COL14A1: variants seen among roughly 807,000 people sequenced by gnomAD.
COL14A1 encodes collagen alpha-1(XIV) chain.
Under a neutral mutation model 230.3 loss-of-function variants are expected in COL14A1, and 136 were observed. That is an observed-to-expected ratio of 0.59 (90% CI 0.51 to 0.68). The LOEUF (loss-of-function observed/expected upper bound fraction) is 0.68, where lower values mean the gene tolerates loss of function less well. COL14A1 is among the 30% of genes least tolerant of loss of function. COL14A1 has a pLI of 0.00. For missense variants in COL14A1, 1,976 were observed against 2,215.8 expected (o/e 0.89, Z 2.17); for synonymous variants, 792 against 784.1 (o/e 1.01, Z -0.17).
Position 120,228,718 on chromosome 8 carries a change from T to G in COL14A1, c.2146T>G (p.Phe716Val), listed in dbSNP as rs371381344. Residue 716 changes from phenylalanine (F) to valine (V), a missense_variant, in exon 18 of 48, where the codon TTT (phenylalanine) becomes GTT (valine). Around this residue, in one of 3 missense-constraint regions of COL14A1, gnomAD observed 1,791 missense variants for 2,019.5 expected, o/e 0.89. Coordinates refer to ENST00000297848, the MANE Select transcript of COL14A1 (RefSeq NM_021110.4). ...TAATATATTGCTTTTAGTTGACAGT[T>G]TTTGGACAGAACCAGCTACAACCAT... ...VTAVGTTLDS[F>V]WTEPATTIVP... is the part of the protein sequence containing the mutation. 6.2e-7 allele frequency: 1 copy of G among 1,613,788 alleles called. No individual in the cohort carries two copies.
At position 120,252,498 on chromosome 8, in the gene COL14A1, C is replaced by T. The variant is rs530570329; in HGVS notation, c.2752+1732C>T. On this transcript the variant is annotated intron_variant, in intron 22 of 47. Transcript: ENST00000297848. ...ATAGTCCTGAGTGCAATCAACAGCA[C>T]ATGCCCCACTCTTGAGATCATAGTC... is the stretch of plus-strand genomic sequence containing the variant. Among the ~76,000 whole-genome samples, 11 of 152,328 alleles carry T rather than the reference C, an allele frequency of 7.2e-5. No homozygotes were observed. In the South Asian group the frequency reaches 2.3e-3, roughly 32 times the overall value.
At chr8:120,231,938 T>A (rs961051173) in intron 19 of COL14A1, 1 of 223,284 alleles carries the variant, frequency 4.5e-6, no homozygotes, top group African/African-American at 2.3e-5. Context: ...TGTGTCTGTA[T>A]ATATGTATGT....
At chr8:120,340,037 CAAAA>C (rs530829054) in intron 42 of COL14A1, among the ~76,000 whole-genome samples, 127 of 77,704 alleles carry the variant, frequency 1.6e-3, no homozygotes, top group Non-Finnish European at 2.2e-3. Flanking sequence ...GACTGCGTCT[CAAAA>C]AAAAAAAAAA....
At chr8:120,317,317 A>G (rs749645212) in intron 40 of COL14A1, among the ~76,000 whole-genome samples, 61 of 152,324 alleles carry the variant, frequency 4.0e-4, no homozygotes, top group Middle Eastern at 6.8e-3. Flanking sequence ...TTTCTATAGA[A>G]TGTAGATGCG....
chr8:120,163,816 T>C (rs1030605251), intron 4 of COL14A1, among the ~76,000 whole-genome samples: 1 of 152,110 alleles, frequency 6.6e-6, no homozygotes, highest in African/African-American at 2.4e-5. Flanking sequence ...CTGATTCTTC[T>C]GTCTCTCAGG....
Position 120,342,444 on chromosome 8 carries a change from A to G in COL14A1, c.4886A>G (p.Gln1629Arg). The G allele has an allele frequency of 6.2e-7, 1 of 1,613,784 alleles. No individual in the cohort carries two copies. The highest frequency in any genetic ancestry group is 1.1e-5 in the South Asian group (1 of 91,066). Residue 1629 changes from glutamine (Q) to arginine (R), a missense_variant and splice_region_variant, in exon 44 of 48, where the codon CAG becomes CGG. Coordinates refer to ENST00000297848, the MANE Select transcript of COL14A1 (RefSeq NM_021110.4). ...VARQVCEQLIQSHMARYTAIL... is the reference protein window; with the variant it reads ...VARQVCEQLIRSHMARYTAIL... Reference sequence around the variant, plus strand: ...CGTCAAGTATGCGAACAGCTCATCCAGAGTAAGTATGTAATGGTTACGGAG... The same window carrying G: ...CGTCAAGTATGCGAACAGCTCATCCGGAGTAAGTATGTAATGGTTACGGAG...
intron 2 of COL14A1, among the ~76,000 whole-genome samples, chr8:120,149,077 A>G (rs143346099): frequency 6.6e-6 from 1 of 152,380 alleles, no homozygotes; most frequent in African/African-American, 2.4e-5. Context: ...ACTTCTGAAT[A>G]TGCACAACTG....
intron 45 of COL14A1, among the ~76,000 whole-genome samples, chr8:120,349,581 T>G (rs1341602433): frequency 7.2e-6 from 1 of 138,010 alleles, no homozygotes; most frequent in East Asian, 2.0e-4. Flanking sequence ...GAGAACTACG[T>G]GAAGAATGCA....
chr8:120,297,461 G>A lies in COL14A1; in HGVS notation c.4237-50G>A, dbSNP rs937823744. On this transcript the variant is annotated intron_variant, in intron 34 of 47. Transcript: ENST00000297848. ...ATACATAACATAAAATCATTATAAA[G>A]ATAATTTATATATATTTTATTGAAT... 4 of 902,546 alleles carry A rather than the reference G, an allele frequency of 4.4e-6. No individual in the cohort carries two copies. In the African/African-American group the frequency reaches 7.1e-5, roughly 16 times the overall value. 55.9% of individuals were successfully genotyped at this position (902,546 alleles called of 1,614,324 possible). A position where few individuals can be genotyped will look rare whatever the true frequency, so the allele number is the denominator to read the frequency against.
chr8:120,339,000 T>C (rs903146362), intron 42 of COL14A1, among the ~76,000 whole-genome samples: 1 of 152,138 alleles, frequency 6.6e-6, no homozygotes, highest in Non-Finnish European at 1.5e-5. Flanking sequence ...GGCAGGGGTG[T>C]GCTATGTAAA....
chr8:120,338,625 A>G (rs1822169022), intron 42 of COL14A1, among the ~76,000 whole-genome samples: 1 of 152,098 alleles, frequency 6.6e-6, no homozygotes, highest in Non-Finnish European at 1.5e-5. Flanking sequence ...TAGGAGTGTT[A>G]TAAGAATTAA....
chr8:120,247,933 C>T (rs1405863627), intron 21 of COL14A1, among the ~76,000 whole-genome samples, 198 bp downstream of exon 21: 1 of 151,986 alleles, frequency 6.6e-6, no homozygotes, highest in Non-Finnish European at 1.5e-5. Flanking sequence ...GATGATGAAG[C>T]TATGACATCA....
intron 34 of COL14A1, among the ~76,000 whole-genome samples, chr8:120,294,958 G>C (rs1820479707): frequency 6.6e-6 from 1 of 151,836 alleles, no homozygotes; most frequent in African/African-American, 2.4e-5. Context: ...TAAGGCAGAA[G>C]TCCAGTCAAA....
In COL14A1 at chr8:120,281,079, T is replaced by C; in HGVS notation, c.3824+20T>C. 6.3e-7 allele frequency: 1 copy of C among 1,595,208 alleles called. No individual in the cohort carries two copies. The highest frequency in any genetic ancestry group is 8.5e-7 in the Non-Finnish European group (1 of 1,173,308). ...AACCAGGTATGTTTCTGTTGAAAGA[T>C]TTTAAAGTCATCGTATGTTTATTAT... On this transcript the variant is annotated intron_variant, in intron 31 of 47. Transcript: ENST00000297848.
chr8:120,224,505 G>A (rs1481636176), intron 14 of COL14A1, among the ~76,000 whole-genome samples: 1 of 152,118 alleles, frequency 6.6e-6, no homozygotes, highest in Non-Finnish European at 1.5e-5. Context: ...TTGTTGTCAA[G>A]TTCTCTTTTC....
At chr8:120,126,661 A>C (rs533437896) in intron 1 of COL14A1, among the ~76,000 whole-genome samples, 1 of 152,260 alleles carries the variant, frequency 6.6e-6, no homozygotes, top group Non-Finnish European at 1.5e-5. Context: ...TAATACTTGC[A>C]GTAGGTGATA....
In COL14A1 at chr8:120,340,160, GGAGGA is replaced by G. The variant is rs372756820; in HGVS notation, c.4786-1156_4786-1152del. ...TATTGAATAGACATAGCAGGGCAAG[GGAGGA>G]GAGGAGAGAAGATAGAGCCAGGGTG... On this transcript the variant is annotated intron_variant, in intron 42 of 47. Coordinates refer to ENST00000297848, the MANE Select transcript of COL14A1 (RefSeq NM_021110.4). Among the ~76,000 whole-genome samples the G allele has an allele frequency of 3.5e-4, 53 of 151,606 alleles. No homozygotes were observed. The East Asian group carries it at 4.9e-3, about 14-fold the overall frequency.
chr8:120,315,433 G>A (rs1305611776), intron 38 of COL14A1, 100 bp from the exon 39 acceptor site: 4 of 780,506 alleles, frequency 5.1e-6, no homozygotes, highest in Non-Finnish European at 6.3e-6. Flanking sequence ...TAGTGCAAAC[G>A]CGATTTACTG....
chr8:120,367,515 A>G (rs1823444208), intron 46 of COL14A1, among the ~76,000 whole-genome samples: 1 of 152,222 alleles, frequency 6.6e-6, no homozygotes. Context: ...CCAAATGCTT[A>G]GTGGATTTAC....
Sources: allele counts gnomAD v4.1 joint callset (sites outside exome capture counted in the v4.1 genomes callset), GRCh38; gene constraint gnomAD v4.1.1; regional missense constraint gnomAD v4.1.1; transcripts MANE v1.5; gene names NCBI Gene and HGNC (gene_info 2026-07-23, HGNC 2026-07-21).